The following MATN1 variants were observed in gnomAD, a reference collection of about 807,000 sequenced individuals.
MATN1 encodes matrilin-1.
Under a neutral mutation model 41.3 loss-of-function variants are expected in MATN1, and 34 were observed. The ratio of observed to expected loss-of-function variants is 0.82; its 90% confidence interval spans 0.63 to 1.10. MATN1 has a LOEUF of 1.10. MATN1 is among the 50% of genes least tolerant of loss of function. The probability of loss-of-function intolerance (pLI) is 0.00; values close to 1 mark genes in which losing one functional copy is unlikely to be tolerated. For synonymous variants in MATN1, 264 were observed against 278.7 expected (o/e 0.95, Z 0.53); for missense variants, 602 against 662.4 (o/e 0.91, Z 1.00).
rs1162489491 is a variant in MATN1 at position 30,716,159 on chromosome 1, G to A, written c.957C>T (p.Tyr319=). Residue 319 remains tyrosine, a synonymous_variant, in exon 5 of 8, where the codon TAC becomes TAT. Coordinates refer to ENST00000373765, the MANE Select transcript of MATN1 (RefSeq NM_002379.3). ...DKLAQVGLVQ[Y]SSSVRQEFPL... is the part of the protein sequence containing the mutation. ...GGAACTCCTGGCGCACAGAGCTTGA[G>A]TACTGCACCAGCCCCACCTGGGCCA... is the stretch of plus-strand genomic sequence containing the variant. 1 of 1,614,240 alleles carries A rather than the reference G, an allele frequency of 6.2e-7. No individual in the cohort carries two copies. Among genetic ancestry groups the A allele is most frequent in the Non-Finnish European group, 8.5e-7 (1 of 1,180,036 alleles).
Position 30,721,605 on chromosome 1 carries a change from C to T in MATN1, c.241G>A (p.Gly81Ser), listed in dbSNP as rs1639696144. 1 of 1,613,374 alleles carries T rather than the reference C, an allele frequency of 6.2e-7. No homozygotes were observed. The highest frequency in any genetic ancestry group is 1.3e-5 in the African/African-American group (1 of 74,938). Residue 81 changes from glycine (G) to serine (S), a missense_variant, in exon 2 of 8, where the codon GGC becomes AGC. Gly to Ser is a moderately conservative substitution (Grantham distance 56). Coordinates refer to ENST00000373765, the MANE Select transcript of MATN1 (RefSeq NM_002379.3). ...ACGGTGCTGGCATAGTTGACCATGC[C>T]CACCCGGGTGGCATTGGGCCCCACG... The part of the protein sequence containing the change: ...LDVGPNATRV[G>S]MVNYASTVKQ...
Position 30,712,307 on chromosome 1 carries a change from C to T in MATN1, c.*1275G>A, listed in dbSNP as rs939601355. 5 of 152,210 alleles carry T rather than the reference C, an allele frequency of 3.3e-5. No homozygotes were observed. The highest frequency in any genetic ancestry group is 1.2e-4 in the African/African-American group (5 of 41,382). 9.4% of individuals were successfully genotyped at this position (152,210 alleles called of 1,614,324 possible). A position where few individuals can be genotyped will look rare whatever the true frequency, so the allele number is the denominator to read the frequency against. Reference sequence around the variant, plus strand: ...AGATCTCAGGGTGTGACCTGCAGACCCCACATAGGGCTGGAGGAAGGGAAC... The same window carrying T: ...AGATCTCAGGGTGTGACCTGCAGACTCCACATAGGGCTGGAGGAAGGGAAC... On this transcript the variant is annotated 3_prime_UTR_variant, in exon 8 of 8. Transcript: ENST00000373765.
intron 3 of MATN1, 29 bp from the exon 4 acceptor site, chr1:30,716,944 C>T: frequency 1.2e-6 from 2 of 1,600,536 alleles, no homozygotes; most frequent in Non-Finnish European, 1.7e-6. Context: ...GCTCAGATCT[C>T]ACAGTCATAG....
chr1:30,713,736 C>T, intron 7 of MATN1, 105 bp from the exon 8 acceptor site: 1 of 862,888 alleles, frequency 1.2e-6, no homozygotes, highest in Admixed American at 2.0e-5. Flanking sequence ...CGTGCATTCT[C>T]CCCTCTGTCA....
In MATN1 at chr1:30,713,094, AT is replaced by A. The variant is rs1355356683; in HGVS notation, c.*487del. The stretch of plus-strand genomic sequence containing the variant: ...CCTTCCAACCATCCCCTCCCACCAC[AT>A]CTTCATCCATCCTTTTCCCTGGTCC... On this transcript the variant is annotated 3_prime_UTR_variant, in exon 8 of 8. Transcript: ENST00000373765. 1.2e-5 allele frequency: 2 copies of A among 162,260 alleles called. No individual in the cohort carries two copies. Among genetic ancestry groups the A allele is most frequent in the Non-Finnish European group, 2.7e-5 (2 of 73,344 alleles). The allele number at this position is 162,260 out of a possible 1,614,324, so 10.1% of individuals were successfully genotyped here.
intron 7 of MATN1, chr1:30,713,960 G>A: frequency 1.7e-6 from 1 of 578,132 alleles, no homozygotes. Flanking sequence ...GAGAAATGGG[G>A]CATCCATGGG....
chr1:30,715,138 C>T lies in MATN1; in HGVS notation c.1360+19G>A, dbSNP rs1301360362. On this transcript the variant is annotated intron_variant, in intron 6 of 7. Coordinates refer to ENST00000373765, the MANE Select transcript of MATN1 (RefSeq NM_002379.3). ...CCCCACCTGCAAATCCCATCAATGC[C>T]AGCCCTGGCCTCACTCACCCACACA... 1.2e-6 allele frequency: 2 copies of T among 1,612,624 alleles called. No individual in the cohort carries two copies. Among genetic ancestry groups the T allele is most frequent in the East Asian group, 4.5e-5 (2 of 44,860 alleles).
chr1:30,718,006 G>A (rs1030799817), intron 3 of MATN1, among the ~76,000 whole-genome samples: 5 of 152,166 alleles, frequency 3.3e-5, no homozygotes, highest in Non-Finnish European at 5.9e-5. Flanking sequence ...TGGGGCTGGA[G>A]ACCCTCCTCC....
intron 7 of MATN1, 37 bp from the exon 8 acceptor site, chr1:30,713,668 G>C (rs1639582078): frequency 1.9e-6 from 3 of 1,542,344 alleles, no homozygotes; most frequent in Non-Finnish European, 8.8e-7. Context: ...AGGTTGGCCA[G>C]AGCAGGGCAG....
intron 1 of MATN1, 59 bp downstream of exon 1, chr1:30,723,399 A>G (rs1490936250): frequency 7.8e-7 from 1 of 1,284,506 alleles, no homozygotes; most frequent in Admixed American, 3.4e-5. Context: ...CCCAGCCCCC[A>G]GTGCTGAGGG....
intron 3 of MATN1, among the ~76,000 whole-genome samples, chr1:30,717,261 T>C (rs1032747238): frequency 6.6e-6 from 1 of 152,198 alleles, no homozygotes; most frequent in Admixed American, 6.5e-5. Context: ...ATCTGTCAAA[T>C]ACCATATAAT....
chr1:30,719,205 G>A (rs1346824969), intron 2 of MATN1: 1 of 469,424 alleles, frequency 2.1e-6, no homozygotes, highest in Non-Finnish European at 3.8e-6. Flanking sequence ...GGGATGTGAT[G>A]CCCCATCGCC....
chr1:30,716,645 G>T, intron 4 of MATN1, 145 bp downstream of exon 4: 1 of 1,224,528 alleles, frequency 8.2e-7, no homozygotes, highest in Non-Finnish European at 1.1e-6. Flanking sequence ...AACTTCTGCA[G>T]ATACCAAACT....
chr1:30,714,287 T>C lies in MATN1; in HGVS notation c.1401A>G (p.Gln467=), dbSNP rs1257855052. ...CCTGCAGCAGCCCCTCCACTTTGGCTTGGAATTTCACCAGGGACTCGCAGG... is the reference window on the plus strand; with the variant it reads ...CCTGCAGCAGCCCCTCCACTTTGGCCTGGAATTTCACCAGGGACTCGCAGG... ...PCACESLVKF[Q]AKVEGLLQAL... is the part of the protein sequence containing the mutation. The change falls in exon 7 of 8, where the codon CAA becomes CAG. Residue 467 remains glutamine, a synonymous_variant. Coordinates refer to ENST00000373765, the MANE Select transcript of MATN1 (RefSeq NM_002379.3). The C allele has an allele frequency of 6.2e-7, 1 of 1,611,256 alleles. No homozygotes were observed. The highest frequency in any genetic ancestry group is 1.3e-5 in the African/African-American group (1 of 74,988).
intron 7 of MATN1, 119 bp from the exon 8 acceptor site, chr1:30,713,750 C>T (rs1397351163): frequency 1.3e-6 from 1 of 785,422 alleles, no homozygotes; most frequent in Non-Finnish European, 2.2e-6. Context: ...TCTGTCAGAA[C>T]TTATCCATCC....
intron 1 of MATN1, among the ~76,000 whole-genome samples, chr1:30,722,706 C>T (rs957613023): frequency 6.6e-6 from 1 of 152,178 alleles, no homozygotes; most frequent in Admixed American, 6.5e-5. Context: ...AGAGCCAATC[C>T]CAAAGAGGAA....
chr1:30,715,009 G>T, intron 6 of MATN1, 148 bp downstream of exon 6: 1 of 845,698 alleles, frequency 1.2e-6, no homozygotes. Context: ...AGTAAGAGCT[G>T]TAAGCGCCAG....
chr1:30,713,242 T>G lies in MATN1; in HGVS notation c.*340A>C. On this transcript the variant is annotated 3_prime_UTR_variant, in exon 8 of 8. Coordinates refer to ENST00000373765, the MANE Select transcript of MATN1 (RefSeq NM_002379.3). ...CACAGCACTCAGAGTCAAGAAAGGG[T>G]TAACTAAAAAAGATGGGAATATATT... 1 of 265,314 alleles carries G rather than the reference T, an allele frequency of 3.8e-6. No homozygotes were observed. The highest frequency in any genetic ancestry group is 5.1e-5 in the Admixed American group (1 of 19,522). The allele number at this position is 265,314 out of a possible 1,614,324, so 16.4% of individuals were successfully genotyped here. A position where few individuals can be genotyped will look rare whatever the true frequency, so the allele number is the denominator to read the frequency against.
intron 5 of MATN1, 43 bp from the exon 6 acceptor site, chr1:30,715,352 G>A: frequency 6.2e-7 from 1 of 1,607,118 alleles, no homozygotes; most frequent in Non-Finnish European, 8.5e-7. Flanking sequence ...CATGGGGATG[G>A]GCAACCATAT....
Sources: allele counts gnomAD v4.1 joint callset (sites outside exome capture counted in the v4.1 genomes callset), GRCh38; gene constraint gnomAD v4.1.1; transcripts MANE v1.5; gene names NCBI Gene and HGNC (gene_info 2026-07-23, HGNC 2026-07-21).